Variants in ENOX1 observed in about 807,000 individuals in gnomAD.
ENOX1 encodes ecto-NOX disulfide-thiol exchanger 1, also known as candidate growth-related and time keeping constitutive hydroquinone (NADH) oxidase.
Under a neutral mutation model 82.5 loss-of-function variants are expected in ENOX1, and 42 were observed. The observed-to-expected ratio is 0.51, with a 90% CI of 0.40 to 0.66. ENOX1 has a LOEUF of 0.66. Among genes scored for constraint, ENOX1 ranks in the 30% least tolerant of loss-of-function variants. The pLI is 0.00. For missense variants in ENOX1, 608 were observed against 811.6 expected (o/e 0.75, Z 3.05); for synonymous variants, 271 against 282.2 (o/e 0.96, Z 0.40).
intron 5 of ENOX1, among the ~76,000 whole-genome samples, chr13:43,373,020 C>G (rs1015548345): frequency 3.9e-5 from 6 of 152,126 alleles, no homozygotes; most frequent in African/African-American, 9.7e-5. Flanking sequence ...AAAATATGTA[C>G]AAGGCTTCAA....
At chr13:43,662,160 T>C (rs1002035010) in intron 2 of ENOX1, among the ~76,000 whole-genome samples, 1 of 152,214 alleles carries the variant, frequency 6.6e-6, no homozygotes, top group Admixed American at 6.5e-5. Context: ...AATTCCATTA[T>C]TCCTGTTCAT....
chr13:43,457,082 G>T (rs935881918), intron 3 of ENOX1, among the ~76,000 whole-genome samples: 3 of 152,072 alleles, frequency 2.0e-5, no homozygotes, highest in Non-Finnish European at 4.4e-5. Context: ...ATTTTAATGA[G>T]ATTTATTTTT....
Position 43,247,584 on chromosome 13 carries a change from C to T in ENOX1, c.1612-10846G>A, listed in dbSNP as rs185497569. ...TTTTCTACATACTGAAGAGAAACAG[C>T]TATTTTTGAGATCAAGTGTATTTTT... On this transcript the variant is annotated intron_variant, in intron 14 of 16. Transcript: ENST00000690772. Among the ~76,000 whole-genome samples the T allele has an allele frequency of 6.4e-4, 97 of 151,542 alleles. 1 individual carries two copies. The highest frequency in any genetic ancestry group is 2.3e-3 in the African/African-American group (94 of 41,322).
chr13:43,698,277 A>G (rs1317329020), intron 1 of ENOX1, among the ~76,000 whole-genome samples: 1 of 152,216 alleles, frequency 6.6e-6, no homozygotes, highest in Non-Finnish European at 1.5e-5. Flanking sequence ...TCAGCAACCA[A>G]TACGTAAGAA....
In ENOX1 at chr13:43,574,720, C is replaced by T. The variant is rs116607300; in HGVS notation, c.-218-90568G>A. ...AGGGCATCTGTGCTATTTTAATCTG[C>T]CATGCCTGAATTATCAGGAAAGAGA... On this transcript the variant is annotated intron_variant, in intron 2 of 16. Transcript: ENST00000690772. Among the ~76,000 whole-genome samples the T allele has an allele frequency of 2.5e-3, 388 of 152,290 alleles. 1 individual carries two copies. The highest frequency in any genetic ancestry group is 9.0e-3 in the African/African-American group (373 of 41,572).
intron 2 of ENOX1, among the ~76,000 whole-genome samples, chr13:43,507,033 T>C (rs1285302859): frequency 6.6e-6 from 1 of 151,826 alleles, no homozygotes; most frequent in Non-Finnish European, 1.5e-5. Flanking sequence ...GAATAGAACT[T>C]TTAAAACTCT....
intron 15 of ENOX1, among the ~76,000 whole-genome samples, chr13:43,225,044 G>T (rs1416972754): frequency 1.3e-5 from 2 of 152,180 alleles, no homozygotes; most frequent in African/African-American, 4.8e-5. Context: ...GTGGTGGATT[G>T]CATAAAGAAA....
intron 2 of ENOX1, among the ~76,000 whole-genome samples, chr13:43,584,893 C>T (rs1010764163): frequency 6.6e-6 from 1 of 152,156 alleles, no homozygotes; most frequent in Non-Finnish European, 1.5e-5. Context: ...GAAGGAGATA[C>T]CCAGCTGTCC....
At chr13:43,717,092 T>C (rs1352580239) in intron 1 of ENOX1, among the ~76,000 whole-genome samples, 1 of 152,148 alleles carries the variant, frequency 6.6e-6, no homozygotes, top group Non-Finnish European at 1.5e-5. Context: ...AAAGCAATCC[T>C]AATCGAAAAG....
rs574497572 is a variant in ENOX1, at chr13:43,374,359, C to T, written c.209-12907G>A. 3.9e-5 allele frequency among the ~76,000 whole-genome samples: 6 copies of T among 152,000 alleles called. No homozygotes were observed. The South Asian group carries it at 1.2e-3, about 32-fold the overall frequency. On this transcript the variant is annotated intron_variant, in intron 5 of 16. Coordinates refer to ENST00000690772, the MANE Select transcript of ENOX1 (RefSeq NM_001347969.2). ...CTCCTGGGCTGGAGTGATTTTCCTG[C>T]CTCAGCCTCCCAAATAGCTGGGACT... is the stretch of plus-strand genomic sequence containing the variant.
chr13:43,229,098 T>C (rs1193952662), intron 15 of ENOX1, among the ~76,000 whole-genome samples: 2 of 152,200 alleles, frequency 1.3e-5, no homozygotes, highest in Admixed American at 6.5e-5. Context: ...TGAGATCTGA[T>C]GGTTTTATAA....
At position 43,630,858 on chromosome 13, in the gene ENOX1, T is replaced by TACACACACACACACAC. The variant is rs767775854; in HGVS notation, c.-219+36620_-219+36621insGTGTGTGTGTGTGTGT. Among the ~76,000 whole-genome samples, 28 of 82,094 alleles carry TACACACACACACACAC rather than the reference T, an allele frequency of 3.4e-4. 1 individual carries two copies. Among genetic ancestry groups the TACACACACACACACAC allele is most frequent in the East Asian group, 2.7e-3 (7 of 2,622 alleles). 53.9% of individuals were successfully genotyped at this position (82,094 alleles called of 152,430 possible). ...AACCACACACACACATATATATATA[T>TACACACACACACACAC]ATACACACACACACACATATATATA... On this transcript the variant is annotated intron_variant, in intron 2 of 16. Transcript: ENST00000690772.
chr13:43,283,697 C>T (rs536922285), intron 12 of ENOX1, among the ~76,000 whole-genome samples: 20 of 151,906 alleles, frequency 1.3e-4, no homozygotes, highest in East Asian at 7.7e-4. Context: ...CATATCCTCC[C>T]GCCTTGGCCT....
At position 43,600,232 on chromosome 13, in the gene ENOX1, G is replaced by T. The variant is rs926527739; in HGVS notation, c.-219+67247C>A. On this transcript the variant is annotated intron_variant, in intron 2 of 16. Transcript: ENST00000690772. Reference sequence around the variant, plus strand: ...GGGATAGAGCATCATGCTGGCTCTTGTGGTTCTCAATTCCAGGTGTTGACT... The same window carrying T: ...GGGATAGAGCATCATGCTGGCTCTTTTGGTTCTCAATTCCAGGTGTTGACT... 3.9e-5 allele frequency among the ~76,000 whole-genome samples: 6 copies of T among 152,304 alleles called. No homozygotes were observed. In the East Asian group the frequency reaches 1.2e-3, roughly 29 times the overall value.
intron 2 of ENOX1, among the ~76,000 whole-genome samples, chr13:43,582,820 C>A (rs1030258106): frequency 5.3e-5 from 8 of 152,110 alleles, no homozygotes; most frequent in Admixed American, 5.2e-4. Context: ...TAATTGATTC[C>A]TTTGCTCAAC....
At chr13:43,407,496 T>C (rs1369780996) in intron 5 of ENOX1, among the ~76,000 whole-genome samples, 11 of 152,184 alleles carry the variant, frequency 7.2e-5, no homozygotes, top group Admixed American at 7.2e-4. Context: ...TAGGTATACA[T>C]GTGCGATGGT....
chr13:43,574,301 C>A (rs747027330), intron 2 of ENOX1, among the ~76,000 whole-genome samples: 4 of 152,090 alleles, frequency 2.6e-5, no homozygotes, highest in Non-Finnish European at 4.4e-5. Context: ...GACATGGGTC[C>A]TAAAAGGTTA....
At chr13:43,411,834 G>A (rs972135560) in intron 5 of ENOX1, 82 bp downstream of exon 5, 33 of 1,549,122 alleles carry the variant, frequency 2.1e-5, no homozygotes, top group Non-Finnish European at 2.7e-5. Context: ...CAACACTCGC[G>A]GTACAGAGAG....
chr13:43,417,185 A>G (rs61950516), intron 3 of ENOX1, among the ~76,000 whole-genome samples: 77,567 of 148,182 alleles, frequency 0.52, 25,164 homozygotes, highest in Non-Finnish European at 0.74. Flanking sequence ...GTCCAGCCTC[A>G]GCAACAGAGG....
Sources: allele counts gnomAD v4.1 joint callset (sites outside exome capture counted in the v4.1 genomes callset), GRCh38; gene constraint gnomAD v4.1.1; transcripts MANE v1.5; gene names NCBI Gene and HGNC (gene_info 2026-07-23, HGNC 2026-07-21).